GSPT1: variants seen among roughly 807,000 people sequenced by gnomAD.
GSPT1 encodes the protein eukaryotic peptide chain release factor GTP-binding subunit ERF3A.
Under a neutral mutation model 72.5 loss-of-function variants are expected in GSPT1, and 20 were observed. The ratio of observed to expected loss-of-function variants is 0.28; its 90% CI spans 0.19 to 0.40. The LOEUF (loss-of-function observed/expected upper bound fraction) is 0.40. Ranked by LOEUF, GSPT1 falls within the 10% of genes least tolerant of loss-of-function variation. The pLI is 1.00. For synonymous variants in GSPT1, 334 were observed against 293.5 expected (o/e 1.14, Z -1.41); for missense variants, 580 against 811.9 (o/e 0.71, Z 3.47).
At chr16:11,901,637 A>ATG (rs1223512061) in intron 1 of GSPT1, among the ~76,000 whole-genome samples, 1 of 150,838 alleles carries the variant, frequency 6.6e-6, no homozygotes, top group Non-Finnish European at 1.5e-5. Context: ...ATATATATAT[A>ATG]TGAATTAGGC....
At chr16:11,899,126 C>T (rs2054374918) in intron 1 of GSPT1, among the ~76,000 whole-genome samples, 1 of 152,014 alleles carries the variant, frequency 6.6e-6, no homozygotes, top group Non-Finnish European at 1.5e-5. Context: ...CGACAGAAAA[C>T]GATACTAAAG....
chr16:11,916,552 A>G (rs1242532614), upstream of GSPT1, among the ~76,000 whole-genome samples: 3 of 152,138 alleles, frequency 2.0e-5, no homozygotes, highest in African/African-American at 4.8e-5. Flanking sequence ...TTTGCCCTTC[A>G]TTTCAAAGCC....
intron 1 of GSPT1, among the ~76,000 whole-genome samples, chr16:11,905,042 T>C (rs1275831497): frequency 6.6e-6 from 1 of 152,240 alleles, no homozygotes; most frequent in Non-Finnish European, 1.5e-5. Context: ...CACTCCAGCC[T>C]GGGTGACAGA....
intron 1 of GSPT1, among the ~76,000 whole-genome samples, chr16:11,899,952 G>C (rs1252653867): frequency 6.6e-6 from 1 of 152,088 alleles, no homozygotes; most frequent in African/African-American, 2.4e-5. Flanking sequence ...AGAATAATTT[G>C]TTTAGTGTCA....
chr16:11,875,733 T>C (rs756370927), intron 14 of GSPT1, 28 bp downstream of exon 14: 3 of 1,550,818 alleles, frequency 1.9e-6, no homozygotes, highest in Non-Finnish European at 1.8e-6. Flanking sequence ...CTGGATATAC[T>C]ACTAGACGTC....
chr16:11,892,524 A>G (rs980945104), intron 5 of GSPT1, among the ~76,000 whole-genome samples: 2 of 126,646 alleles, frequency 1.6e-5, no homozygotes, highest in Non-Finnish European at 3.1e-5. Context: ...CAAAAAAAAC[A>G]AAAAAAACAA....
In GSPT1 at chr16:11,886,780, T is replaced by C. The variant is rs1219995005; in HGVS notation, c.1109A>G (p.Glu370Gly). The C allele has an allele frequency of 2.5e-6, 4 of 1,613,358 alleles. No homozygotes were observed. The highest frequency in any genetic ancestry group is 2.5e-6 in the Non-Finnish European group (3 of 1,179,368). Residue 370 changes from glutamate (E) to glycine (G), a missense_variant, in exon 8 of 15, where the codon GAG becomes GGG. Transcript: ENST00000434724. ...MDDPTVNWSN[E>G]RYEECKEKLV... ...AATACCAGACATCTACGCTCACCTC[T>C]CATTGCTCCAATTTACTGTTGGATC...
intron 13 of GSPT1, 51 bp downstream of exon 13, chr16:11,876,034 AT>A (rs1464179216): frequency 6.9e-7 from 1 of 1,458,692 alleles, no homozygotes; most frequent in Non-Finnish European, 9.6e-7. Flanking sequence ...ATTAGAAATT[AT>A]GAAGATAAAA....
intron 1 of GSPT1, among the ~76,000 whole-genome samples, chr16:11,913,373 CAAG>C (rs1414212553): frequency 9.8e-5 from 15 of 152,314 alleles, no homozygotes; most frequent in Admixed American, 8.5e-4. Flanking sequence ...TGATTAAAAA[CAAG>C]AAAGTTGACC....
At chr16:11,874,454 CTTTTTT>C (rs200991035) in intron 14 of GSPT1, among the ~76,000 whole-genome samples, 6 of 95,930 alleles carry the variant, frequency 6.3e-5, no homozygotes, top group Non-Finnish European at 1.2e-4. Context: ...GCCAAGTTAG[CTTTTTT>C]TTTTTTTTTT....
intron 11 of GSPT1, among the ~76,000 whole-genome samples, chr16:11,879,762 A>C (rs1004837376): frequency 1.3e-5 from 2 of 151,584 alleles, no homozygotes; most frequent in Admixed American, 6.6e-5. Flanking sequence ...AAAACAAAAC[A>C]AAAAACAAAA....
intron 1 of GSPT1, among the ~76,000 whole-genome samples, chr16:11,901,911 T>C (rs984055849): frequency 6.6e-6 from 1 of 151,480 alleles, no homozygotes; most frequent in African/African-American, 2.4e-5. Context: ...GTCTGACTAA[T>C]ATGAGGAAAC....
chr16:11,885,930 A>C (rs1419336668), intron 9 of GSPT1, among the ~76,000 whole-genome samples: 1 of 152,218 alleles, frequency 6.6e-6, no homozygotes, highest in Non-Finnish European at 1.5e-5. Flanking sequence ...GAGTTCAAGA[A>C]TAAACTCGTA....
intron 5 of GSPT1, among the ~76,000 whole-genome samples, chr16:11,893,277 A>C (rs1224051937): frequency 1.3e-5 from 2 of 152,012 alleles, no homozygotes; most frequent in African/African-American, 4.8e-5. Flanking sequence ...CTGTCTCTTA[A>C]AATAAATATA....
chr16:11,911,819 T>C (rs1383787602), intron 1 of GSPT1, among the ~76,000 whole-genome samples: 1 of 144,174 alleles, frequency 6.9e-6, no homozygotes, highest in Non-Finnish European at 1.5e-5. Flanking sequence ...CCCAAAGTGC[T>C]GGGATTACAG....
At chr16:11,907,274 G>C (rs965688876) in intron 1 of GSPT1, among the ~76,000 whole-genome samples, 4 of 152,112 alleles carry the variant, frequency 2.6e-5, no homozygotes, top group African/African-American at 9.7e-5. Context: ...CACAAGGAAA[G>C]CACTAGCAGT....
At chr16:11,899,818 G>C (rs2054383296) in intron 1 of GSPT1, among the ~76,000 whole-genome samples, 1 of 152,124 alleles carries the variant, frequency 6.6e-6, no homozygotes. Context: ...CTGGAACTGA[G>C]CTGACTCCTA....
Position 11,877,710 on chromosome 16 carries a change from C to A in GSPT1, c.1429-130G>T, listed in dbSNP as rs2054065784. On this transcript the variant is annotated intron_variant, in intron 11 of 14. Coordinates refer to ENST00000434724, the MANE Select transcript of GSPT1 (RefSeq NM_002094.4). The surrounding 1 kb of genome is among the most constrained non-coding windows in gnomAD (Gnocchi z 4.0). The stretch of plus-strand genomic sequence containing the variant: ...ACTGTAAACACTTATGTTTGTATGA[C>A]ATAAAATCTTAGCCTAGATATGATC... The A allele has an allele frequency of 1.7e-6, 1 of 594,662 alleles. No individual in the cohort carries two copies. Among genetic ancestry groups the A allele is most frequent in the Non-Finnish European group, 2.9e-6 (1 of 348,838 alleles). The allele number at this position is 594,662 out of a possible 1,614,324, so 36.8% of individuals were successfully genotyped here.
chr16:11,883,978 C>G (rs2054156726), intron 10 of GSPT1, among the ~76,000 whole-genome samples: 1 of 151,128 alleles, frequency 6.6e-6, no homozygotes, highest in Non-Finnish European at 1.5e-5. Context: ...ACTGTTTGTA[C>G]AAATTCAGGT....
Sources: gnomAD v4.1 joint callset for allele counts (sites outside exome capture counted in the v4.1 genomes callset) on GRCh38, gnomAD v4.1.1 for gene constraint, Gnocchi (gnomAD v3.1) non-coding constraint, MANE v1.5 for transcripts, NCBI Gene and HGNC (gene_info 2026-07-23, HGNC 2026-07-21) for gene names.